ZBTB49: variants seen among roughly 807,000 people sequenced by gnomAD.
ZBTB49 encodes zinc finger and BTB domain-containing protein 49.
In ZBTB49, 43 loss-of-function variants were observed where a neutral mutation model predicts 57.5. The ratio of observed to expected loss-of-function variants is 0.75; its 90% CI spans 0.59 to 0.97. The LOEUF (loss-of-function observed/expected upper bound fraction) is 0.97, where lower values mean the gene tolerates loss of function less well. ZBTB49 is among the 50% of genes least tolerant of loss of function. ZBTB49 has a pLI of 0.00. For synonymous variants in ZBTB49, 369 were observed against 362.1 expected, an observed-to-expected ratio of 1.02 and a Z score of -0.22; for missense variants, 938 against 947.7, an observed-to-expected ratio of 0.99 and a Z score of 0.13.
intron 7 of ZBTB49, among the ~76,000 whole-genome samples, chr4:4,319,054 T>C (rs1283997029): frequency 1.3e-5 from 2 of 152,022 alleles, no homozygotes; most frequent in Non-Finnish European, 2.9e-5. Flanking sequence ...CACACCCAGC[T>C]AATTTTTATT....
chr4:4,310,490 C>A (rs1010619865), intron 4 of ZBTB49, among the ~76,000 whole-genome samples: 2 of 151,280 alleles, frequency 1.3e-5, no homozygotes, highest in African/African-American at 4.9e-5. Context: ...TAAACGAGAG[C>A]TATTATTACC....
chr4:4,312,059 C>T (rs560548224), intron 4 of ZBTB49, among the ~76,000 whole-genome samples: 3 of 152,222 alleles, frequency 2.0e-5, no homozygotes, highest in Admixed American at 6.5e-5. Flanking sequence ...AAAAAAGCCC[C>T]GTGTGTTAGT....
At chr4:4,312,851 A>C (rs1344641963) in intron 4 of ZBTB49, among the ~76,000 whole-genome samples, 190 bp from the exon 5 acceptor site, 1 of 152,198 alleles carries the variant, frequency 6.6e-6, no homozygotes, top group African/African-American at 2.4e-5. Context: ...CGTGTACAGC[A>C]GGTGGCCAGG....
chr4:4,321,054 A>C lies in ZBTB49; in HGVS notation c.2036A>C (p.Lys679Thr), dbSNP rs747980928. The change falls in exon 8 of 8, where the codon AAG becomes ACG. Residue 679 changes from lysine (K) to threonine (T), a missense_variant. Physicochemically the swap from Lys to Thr is moderately conservative, Grantham distance 78. Coordinates refer to ENST00000337872, the MANE Select transcript of ZBTB49 (RefSeq NM_145291.4). ...AGTTTGGATCCTGGTAAACTTGCCA[A>C]GCCCCAGATGCAGCAGACACAGCCT... is the stretch of plus-strand genomic sequence containing the variant. Reference protein sequence around the residue: ...KLSLDPGKLAKPQMQQTQPQA... With the variant: ...KLSLDPGKLATPQMQQTQPQA... 1 of 1,614,052 alleles carries C rather than the reference A, an allele frequency of 6.2e-7. No individual in the cohort carries two copies. The highest frequency in any genetic ancestry group is 1.3e-5 in the African/African-American group (1 of 74,910).
intron 1 of ZBTB49, among the ~76,000 whole-genome samples, chr4:4,294,964 C>T (rs1577228679): frequency 6.6e-6 from 1 of 151,242 alleles, no homozygotes; most frequent in East Asian, 2.0e-4. Context: ...AAAGCATAGA[C>T]TCCAGTGTTT....
chr4:4,299,888 C>G (rs1291399208), intron 1 of ZBTB49, 39 bp from the exon 2 acceptor site: 2 of 1,586,250 alleles, frequency 1.3e-6, no homozygotes, highest in African/African-American at 2.7e-5. Context: ...CAGTGAGGTC[C>G]TTAAGAATAT....
chr4:4,291,997 G>T (rs1479856879), intron 1 of ZBTB49, among the ~76,000 whole-genome samples: 2 of 152,136 alleles, frequency 1.3e-5, no homozygotes, highest in Non-Finnish European at 2.9e-5. Flanking sequence ...AATTAGGCGG[G>T]TGTGGTGGCG....
rs371197590 is a variant in ZBTB49 at position 4,315,590 on chromosome 4, A to G, written c.1377-46A>G. 113 of 1,589,270 alleles carry G rather than the reference A, an allele frequency of 7.1e-5. No homozygotes were observed. The African/African-American group carries it at 1.2e-3, about 17-fold the overall frequency. ...GAGAGTTGCAGTTATAAAGACCCAC[A>G]GTAATGTGGAAAGGCTCTTAATTGA... On this transcript the variant is annotated intron_variant, in intron 5 of 7. Transcript: ENST00000337872.
intron 3 of ZBTB49, among the ~76,000 whole-genome samples, 189 bp from the exon 4 acceptor site, chr4:4,305,949 A>G (rs930213917): frequency 6.6e-6 from 1 of 152,228 alleles, no homozygotes; most frequent in Non-Finnish European, 1.5e-5. Context: ...GGAAAATATT[A>G]CTTTTATCAT....
intron 1 of ZBTB49, among the ~76,000 whole-genome samples, chr4:4,297,178 C>T (rs145970382): frequency 0.021 from 3,133 of 152,262 alleles, 47 homozygotes; most frequent in Non-Finnish European, 0.032. Flanking sequence ...TCAAGTGAAT[C>T]GCCTGCCTCA....
At position 4,321,156 on chromosome 4, in the gene ZBTB49, G is replaced by T; in HGVS notation, c.2138G>T (p.Arg713Leu). Reference protein sequence around the residue: ...PLQADGMAMIRSSLAALDNHG... With the variant: ...PLQADGMAMILSSLAALDNHG... ...CAGGCCGATGGCATGGCCATGATCC[G>T]TTCCTCTCTGGCTGCTTTGGACAAC... Residue 713 changes from arginine to leucine, a missense_variant, in exon 8 of 8, where the codon CGT (arginine) becomes CTT (leucine). Around this residue, in one of 3 missense-constraint regions of ZBTB49, gnomAD observed 835 missense variants for 819.1 expected, o/e 1.02. Transcript: ENST00000337872. 1.2e-6 allele frequency: 2 copies of T among 1,614,190 alleles called. No homozygotes were observed. The highest frequency in any genetic ancestry group is 1.7e-6 in the Non-Finnish European group (2 of 1,180,034).
intron 4 of ZBTB49, among the ~76,000 whole-genome samples, chr4:4,310,676 A>ATTTTT (rs33978308): frequency 7.2e-6 from 1 of 139,512 alleles, no homozygotes; most frequent in Non-Finnish European, 1.6e-5. Flanking sequence ...TGCCTGGCTA[A>ATTTTT]TTTTTTTTTT....
intron 4 of ZBTB49, among the ~76,000 whole-genome samples, chr4:4,308,556 G>C (rs564003975): frequency 6.6e-6 from 1 of 152,272 alleles, no homozygotes; most frequent in Non-Finnish European, 1.5e-5. Flanking sequence ...TGTGATTGTA[G>C]AGTCATACAT....
Position 4,302,008 on chromosome 4 carries a change from T to G in ZBTB49, c.172T>G (p.Ser58Ala). ...QYFRSLFQNS[S>A]SQKNDVFHLD... ...TACCAGGAGCCTCTTTCAGAATTCT[T>G]CAAGCCAGAAGAATGATGTTTTTCA... Residue 58 changes from serine to alanine, a missense_variant, in exon 3 of 8, where the codon TCA (serine) becomes GCA (alanine). Physicochemically the swap from Ser to Ala is moderately conservative, Grantham distance 99 (BLOSUM62 1). Coordinates refer to ENST00000337872, the MANE Select transcript of ZBTB49 (RefSeq NM_145291.4). 1.9e-6 allele frequency: 3 copies of G among 1,553,874 alleles called. No individual in the cohort carries two copies. Among genetic ancestry groups the G allele is most frequent in the African/African-American group, 1.4e-5 (1 of 73,414 alleles).
At chr4:4,311,793 T>G (rs1029173102) in intron 4 of ZBTB49, among the ~76,000 whole-genome samples, 15 of 152,246 alleles carry the variant, frequency 9.9e-5, no homozygotes, top group Admixed American at 2.6e-4. Flanking sequence ...TTTGTCAAAC[T>G]CTTTCTCTTT....
Position 4,320,665 on chromosome 4 carries a change from C to A in ZBTB49, c.1647C>A (p.Asp549Glu), listed in dbSNP as rs1252790299. 6.2e-7 allele frequency: 1 copy of A among 1,614,122 alleles called. No individual in the cohort carries two copies. Among genetic ancestry groups the A allele is most frequent in the South Asian group, 1.1e-5 (1 of 91,074 alleles). ...GGAAATGTTTTGGGGGATCAGGTGA[C>A]CTCCGCAGGCATGTCCGCACTCACA... is the stretch of plus-strand genomic sequence containing the variant. ...ACGKCFGGSG[D>E]LRRHVRTHTG... The change falls in exon 8 of 8, where the codon GAC (aspartate) becomes GAA (glutamate). Residue 549 changes from aspartate (D) to glutamate (E), a missense_variant. This residue lies in a region of ZBTB49 where 835 missense variants were observed against 819.1 expected (regional missense o/e 1.02). Coordinates refer to ENST00000337872, the MANE Select transcript of ZBTB49 (RefSeq NM_145291.4).
chr4:4,306,968 C>T (rs908940561), intron 4 of ZBTB49, among the ~76,000 whole-genome samples: 7 of 152,222 alleles, frequency 4.6e-5, no homozygotes, highest in African/African-American at 1.7e-4. Flanking sequence ...AGCTGGGAGG[C>T]AGGCCCCGCA....
chr4:4,302,744 T>C lies in ZBTB49; in HGVS notation c.908T>C (p.Leu303Pro). ...TCQQPVKQMR[L>P]KKAIHLKKLN... is the part of the protein sequence containing the mutation. The stretch of plus-strand genomic sequence containing the variant: ...CAACAACCTGTCAAGCAGATGAGGC[T>C]CAAAAAGGCCATTCATCTGAAGAAG... The change falls in exon 3 of 8, where the codon CTC becomes CCC. Residue 303 changes from leucine (L) to proline (P), a missense_variant. By Grantham distance (98) the Leu-to-Pro change is moderately conservative (BLOSUM62 -3). This residue lies in a region of ZBTB49 where 835 missense variants were observed against 819.1 expected (regional missense o/e 1.02). Coordinates refer to ENST00000337872, the MANE Select transcript of ZBTB49 (RefSeq NM_145291.4). 4 of 1,613,844 alleles carry C rather than the reference T, an allele frequency of 2.5e-6. No individual in the cohort carries two copies. Among genetic ancestry groups the C allele is most frequent in the Non-Finnish European group, 3.4e-6 (4 of 1,179,958 alleles).
intron 7 of ZBTB49, among the ~76,000 whole-genome samples, chr4:4,317,592 G>T (rs1721241673): frequency 6.6e-6 from 1 of 152,112 alleles, no homozygotes. Flanking sequence ...GGGGTATTTT[G>T]TAGTCGACTT....
Sources: gnomAD v4.1 joint callset for allele counts (sites outside exome capture counted in the v4.1 genomes callset) on GRCh38, gnomAD v4.1.1 for gene constraint, gnomAD v4.1.1 regional missense constraint, MANE v1.5 for transcripts, NCBI Gene and HGNC (gene_info 2026-07-23, HGNC 2026-07-21) for gene names.